Variants in TENM4 observed in about 807,000 individuals in gnomAD.
TENM4 encodes the protein teneurin transmembrane protein 4, also known as teneurin-4.
TENM4 carries 82 observed loss-of-function variants against 243.3 expected under a neutral mutation model. The observed-to-expected ratio is 0.34, with a 90% CI of 0.28 to 0.40. TENM4 has a LOEUF of 0.40. Among genes scored for constraint, TENM4 ranks in the 10% least tolerant of loss-of-function variants. The probability of loss-of-function intolerance (pLI) is 1.00; values close to 1 mark genes in which losing one functional copy is unlikely to be tolerated. For synonymous variants in TENM4, 1,412 were observed against 1,456.3 expected, an observed-to-expected ratio of 0.97 and a Z score of 0.69; for missense variants, 3,138 against 3,673.3, an observed-to-expected ratio of 0.85 and a Z score of 3.77.
At chr11:79,337,528 G>T (rs1025497978) in intron 1 of TENM4, among the ~76,000 whole-genome samples, 2 of 152,190 alleles carry the variant, frequency 1.3e-5, no homozygotes, top group Admixed American at 1.3e-4. Flanking sequence ...TTACCAGAGG[G>T]GAGAATAGCC....
intron 6 of TENM4, among the ~76,000 whole-genome samples, chr11:78,980,783 A>G (rs940304722): frequency 6.6e-6 from 1 of 152,188 alleles, no homozygotes; most frequent in African/African-American, 2.4e-5. Flanking sequence ...GGGCTTAAAG[A>G]GTTCTATGAG....
chr11:78,778,359 T>A (rs1856777596), intron 17 of TENM4, among the ~76,000 whole-genome samples: 1 of 151,892 alleles, frequency 6.6e-6, no homozygotes, highest in South Asian at 2.1e-4. Flanking sequence ...TACAATGGTA[T>A]TGTCACAAAC....
chr11:79,124,481 G>T (rs531477060), intron 4 of TENM4, among the ~76,000 whole-genome samples: 1 of 151,982 alleles, frequency 6.6e-6, no homozygotes, highest in African/African-American at 2.4e-5. Flanking sequence ...CGGACTCCAC[G>T]TTCTTCAGTT....
chr11:78,818,156 A>T (rs1216323055), intron 12 of TENM4, among the ~76,000 whole-genome samples: 1 of 152,196 alleles, frequency 6.6e-6, no homozygotes, highest in Non-Finnish European at 1.5e-5. Context: ...AATCCCTCCC[A>T]GATCTAAATT....
intron 4 of TENM4, among the ~76,000 whole-genome samples, chr11:79,084,218 T>G (rs146851971): frequency 1.3e-5 from 2 of 152,200 alleles, no homozygotes; most frequent in Non-Finnish European, 2.9e-5. Flanking sequence ...GTGACAACAT[T>G]AAATGCTGGC....
intron 1 of TENM4, among the ~76,000 whole-genome samples, chr11:79,409,117 C>T (rs762193051): frequency 2.1e-5 from 3 of 143,622 alleles, no homozygotes; most frequent in Non-Finnish European, 3.0e-5. Context: ...CGCGCGCGTG[C>T]GTGCACGCGC....
At chr11:78,857,661 G>A (rs1232958992) in intron 10 of TENM4, among the ~76,000 whole-genome samples, 1 of 152,190 alleles carries the variant, frequency 6.6e-6, no homozygotes, top group South Asian at 2.1e-4. Context: ...CTAGTATTCT[G>A]TCATTAGCAT....
chr11:79,060,196 C>T (rs571203205), intron 6 of TENM4, among the ~76,000 whole-genome samples: 4 of 152,364 alleles, frequency 2.6e-5, no homozygotes, highest in East Asian at 3.9e-4. Context: ...CACTGCCTCC[C>T]GACCCCCAGC....
At chr11:78,880,933 T>G (rs529981646) in intron 9 of TENM4, among the ~76,000 whole-genome samples, 1 of 152,222 alleles carries the variant, frequency 6.6e-6, no homozygotes, top group African/African-American at 2.4e-5. Flanking sequence ...CAAAGGGGCA[T>G]GAGGGAACTT....
intron 2 of TENM4, among the ~76,000 whole-genome samples, chr11:79,252,562 C>G (rs1005871887): frequency 6.6e-6 from 1 of 152,128 alleles, no homozygotes; most frequent in Non-Finnish European, 1.5e-5. Flanking sequence ...TCTAGTTTGT[C>G]GGCCAGAAAA....
intron 18 of TENM4, among the ~76,000 whole-genome samples, chr11:78,759,753 G>T (rs1469692585): frequency 1.3e-5 from 2 of 152,180 alleles, no homozygotes; most frequent in Admixed American, 6.5e-5. Context: ...ATGCATCATT[G>T]AATCCTCTAT....
chr11:78,808,105 A>G (rs751588534), intron 14 of TENM4, among the ~76,000 whole-genome samples: 1 of 152,244 alleles, frequency 6.6e-6, no homozygotes, highest in Non-Finnish European at 1.5e-5. Flanking sequence ...TATATTTTGT[A>G]ACCTGGTATA....
intron 2 of TENM4, among the ~76,000 whole-genome samples, chr11:79,216,518 C>T (rs1864053584): frequency 6.6e-6 from 1 of 152,168 alleles, no homozygotes; most frequent in Admixed American, 6.5e-5. Flanking sequence ...AACCTAAATT[C>T]CTCAATGTGG....
At chr11:79,064,666 G>A in intron 6 of TENM4, 72 bp downstream of exon 6, 1 of 1,528,812 alleles carries the variant, frequency 6.5e-7, no homozygotes. Flanking sequence ...AGTGGAGCAG[G>A]AAATCAATAT....
chr11:78,963,457 A>G (rs567069161), intron 6 of TENM4, among the ~76,000 whole-genome samples: 1 of 152,344 alleles, frequency 6.6e-6, no homozygotes, highest in African/African-American at 2.4e-5. Flanking sequence ...AACCACTTAC[A>G]GCAAGGGCTG....
intron 14 of TENM4, among the ~76,000 whole-genome samples, chr11:78,807,274 G>A (rs945421807): frequency 3.9e-5 from 6 of 152,148 alleles, no homozygotes; most frequent in African/African-American, 1.2e-4. Flanking sequence ...GAACCATCAT[G>A]CTGTCTTCCA....
At chr11:78,935,737 A>C (rs1055897241) in intron 6 of TENM4, among the ~76,000 whole-genome samples, 3 of 152,232 alleles carry the variant, frequency 2.0e-5, no homozygotes, top group African/African-American at 7.2e-5. Flanking sequence ...ACATGCAGAA[A>C]AATATGAGGT....
At chr11:79,016,494 T>C (rs1398051655) in intron 6 of TENM4, among the ~76,000 whole-genome samples, 1 of 152,140 alleles carries the variant, frequency 6.6e-6, no homozygotes, top group East Asian at 1.9e-4. Context: ...TTTGTTTTAG[T>C]TATGTTACGT....
chr11:78,903,575 G>A, intron 6 of TENM4, 52 bp from the exon 7 acceptor site: 1 of 1,537,928 alleles, frequency 6.5e-7, no homozygotes, highest in Non-Finnish European at 8.7e-7. Context: ...CTGCCCCTCG[G>A]CTGGAAAAGC....
Sources: gnomAD v4.1 joint callset for allele counts (sites outside exome capture counted in the v4.1 genomes callset) on GRCh38, gnomAD v4.1.1 for gene constraint, MANE v1.5 for transcripts, NCBI Gene and HGNC (gene_info 2026-07-23, HGNC 2026-07-21) for gene names.